SGK1: variants seen among roughly 807,000 people sequenced by gnomAD.
The protein encoded by SGK1 is serum/glucocorticoid regulated kinase 1.
Under a neutral mutation model 64.2 loss-of-function variants are expected in SGK1, and 26 were observed. That is an observed-to-expected ratio of 0.40 (90% CI 0.30 to 0.56). The LOEUF (loss-of-function observed/expected upper bound fraction) is 0.56, where lower values mean the gene tolerates loss of function less well. SGK1 is among the 20% of genes least tolerant of loss of function. SGK1 has a pLI of 0.38. For synonymous variants in SGK1, 265 were observed against 239.7 expected, an observed-to-expected ratio of 1.11 and a Z score of -0.98; for missense variants, 519 against 645.6, an observed-to-expected ratio of 0.80 and a Z score of 2.12.
chr6:134,263,703 T>C (rs557323159), intron 1 of SGK1, among the ~76,000 whole-genome samples: 4 of 152,304 alleles, frequency 2.6e-5, no homozygotes, highest in South Asian at 4.1e-4. Context: ...GCATGGTATT[T>C]ATACAGCATT....
chr6:134,198,509 T>C (rs1775630040), intron 3 of SGK1, among the ~76,000 whole-genome samples: 1 of 152,130 alleles, frequency 6.6e-6, no homozygotes, highest in South Asian at 2.1e-4. Context: ...TTCTTTACTT[T>C]AAAAAATTCA....
intron 1 of SGK1, among the ~76,000 whole-genome samples, chr6:134,292,994 A>G (rs1037074180): frequency 6.6e-6 from 1 of 152,246 alleles, no homozygotes; most frequent in Admixed American, 6.5e-5. Context: ...TATCATCTTC[A>G]TAATTGGATA....
intron 1 of SGK1, among the ~76,000 whole-genome samples, chr6:134,272,313 T>C (rs1367999270): frequency 7.2e-6 from 1 of 139,672 alleles, no homozygotes; most frequent in African/African-American, 2.5e-5. Flanking sequence ...GCTAATTTTT[T>C]TTTTTTTTTT....
intron 3 of SGK1, among the ~76,000 whole-genome samples, chr6:134,190,372 G>A (rs150662130): frequency 0.01 from 1,540 of 146,970 alleles, 35 homozygotes; most frequent in African/African-American, 0.037. Context: ...TGCAAACTCC[G>A]CCTCCTGGGT....
chr6:134,297,949 T>C (rs1777387380), intron 1 of SGK1: 4 of 806,504 alleles, frequency 5.0e-6, no homozygotes, highest in Non-Finnish European at 2.2e-6. Flanking sequence ...TCAGTGATGA[T>C]GCCGTCCATG....
At chr6:134,176,752 G>A (rs556156420) in intron 3 of SGK1, among the ~76,000 whole-genome samples, 2 of 152,302 alleles carry the variant, frequency 1.3e-5, no homozygotes, top group Admixed American at 6.5e-5. Context: ...CTTGGTCTTG[G>A]GCAGGGGTTT....
chr6:134,261,685 C>CATA, intron 2 of SGK1: 1 of 599,268 alleles, frequency 1.7e-6, no homozygotes, highest in South Asian at 2.1e-5. Context: ...TGGGGACAAG[C>CATA]GTATATGGGT....
chr6:134,210,681 G>A (rs1460188413), intron 2 of SGK1, among the ~76,000 whole-genome samples: 3 of 149,440 alleles, frequency 2.0e-5, no homozygotes, highest in East Asian at 2.0e-4. Context: ...AAAATTAGCC[G>A]GGCATGGTGG....
At chr6:134,175,448 C>G in intron 3 of SGK1, 2 of 1,314,094 alleles carry the variant, frequency 1.5e-6, no homozygotes, top group African/African-American at 1.5e-5. Context: ...CCGCCGGGAC[C>G]CCGGCCCCGA....
chr6:134,241,128 C>T (rs148704044), intron 2 of SGK1, among the ~76,000 whole-genome samples: 152 of 148,850 alleles, frequency 1.0e-3, no homozygotes, highest in African/African-American at 3.6e-3. Flanking sequence ...CGGCTCACTG[C>T]AGTCTCAGAC....
intron 3 of SGK1, among the ~76,000 whole-genome samples, chr6:134,197,719 G>C (rs1775614993): frequency 6.6e-6 from 1 of 151,848 alleles, no homozygotes; most frequent in Admixed American, 6.6e-5. Context: ...TCAGCTACTT[G>C]GGAGGCAGAG....
chr6:134,192,658 C>T (rs886930787), intron 3 of SGK1, among the ~76,000 whole-genome samples: 1 of 151,544 alleles, frequency 6.6e-6, no homozygotes, highest in African/African-American at 2.4e-5. Context: ...CAAACTCTGC[C>T]TCCCGGGTTC....
chr6:134,298,412 T>C, intron 1 of SGK1: 1 of 1,054,858 alleles, frequency 9.5e-7, no homozygotes, highest in Non-Finnish European at 1.5e-6. Context: ...CTGAGGGTCT[T>C]GATCTTCCCC....
rs1167581467 is a variant in SGK1 at position 134,268,781 on chromosome 6, C to G, written c.70-6633G>C. Among the ~76,000 whole-genome samples the G allele has an allele frequency of 4.8e-5, 7 of 145,080 alleles. 1 individual carries two copies. The highest frequency in any genetic ancestry group is 7.6e-5 in the Non-Finnish European group (5 of 66,086). On this transcript the variant is annotated intron_variant, in intron 1 of 13. Coordinates refer to ENST00000367858, the MANE Select transcript of SGK1 (RefSeq NM_001143676.3). ...GGTTTATAGGAGACTGTTCTCCAAA[C>G]CACACCAGACTTTTAGAAGCAACTA...
intron 2 of SGK1, chr6:134,215,003 C>G (rs1775954131): frequency 2.2e-6 from 1 of 446,218 alleles, no homozygotes; most frequent in East Asian, 7.0e-5. Flanking sequence ...GAAGTATTGT[C>G]ATAGGTTACA....
chr6:134,207,918 T>G (rs1223438218), intron 2 of SGK1, among the ~76,000 whole-genome samples: 1 of 150,272 alleles, frequency 6.7e-6, no homozygotes, highest in African/African-American at 2.5e-5. Context: ...TTTAAATGCT[T>G]TTTTTGTTTG....
At position 134,173,085 on chromosome 6, in the gene SGK1, G is replaced by A. The variant is rs1299672306; in HGVS notation, c.772C>T (p.His258Tyr). ...NVKHPFLVGL[H>Y]FSFQTADKLY... Reference sequence around the variant, plus strand: ...TTGTCAGCAGTCTGGAAAGAGAAGTGAAGGCCCACCAGGAAAGGGTGCTTC... The same window carrying A: ...TTGTCAGCAGTCTGGAAAGAGAAGTAAAGGCCCACCAGGAAAGGGTGCTTC... The change falls in exon 8 of 14, where the codon CAC (histidine) becomes TAC (tyrosine). Residue 258 changes from histidine (H) to tyrosine (Y), a missense_variant. His to Tyr is a moderately conservative substitution (Grantham distance 83). Transcript: ENST00000367858. 6.2e-6 allele frequency: 10 copies of A among 1,614,038 alleles called. No homozygotes were observed. Among genetic ancestry groups the A allele is most frequent in the Non-Finnish European group, 6.8e-6 (8 of 1,179,904 alleles).
chr6:134,180,062 T>A lies in SGK1; in HGVS notation c.362-5476A>T, dbSNP rs1775308526. Among the ~76,000 whole-genome samples the A allele has an allele frequency of 2.0e-5, 3 of 152,106 alleles. No homozygotes were observed. The South Asian group carries it at 6.2e-4, about 32-fold the overall frequency. The stretch of plus-strand genomic sequence containing the variant: ...TCAACCTCCTGGGTTCAAGTAATCC[T>A]CCCACCTCGGACTCCTGAGTAGCTG... On this transcript the variant is annotated intron_variant, in intron 3 of 13. Coordinates refer to ENST00000367858, the MANE Select transcript of SGK1 (RefSeq NM_001143676.3).
intron 2 of SGK1, chr6:134,230,487 C>T (rs1277580406): frequency 2.6e-5 from 4 of 152,116 alleles, no homozygotes; most frequent in Non-Finnish European, 5.9e-5. Context: ...ACAAGGCGGC[C>T]GGAAGAAGTG....
Sources: allele counts gnomAD v4.1 joint callset (sites outside exome capture counted in the v4.1 genomes callset), GRCh38; gene constraint gnomAD v4.1.1; transcripts MANE v1.5; gene names NCBI Gene and HGNC (gene_info 2026-07-23, HGNC 2026-07-21).